The following ANKS1B variants were observed in gnomAD, a reference collection of about 807,000 sequenced individuals.
ANKS1B encodes ankyrin repeat and sterile alpha motif domain-containing protein 1B.
Under a neutral mutation model 148.3 loss-of-function variants are expected in ANKS1B, and 36 were observed. The ratio of observed to expected loss-of-function variants is 0.24; its 90% CI spans 0.19 to 0.32. The LOEUF is 0.32. Among genes scored for constraint, ANKS1B ranks in the 10% least tolerant of loss-of-function variants. The probability of loss-of-function intolerance (pLI) is 1.00; values close to 1 mark genes in which losing one functional copy is unlikely to be tolerated. For synonymous variants in ANKS1B, 542 were observed against 560.8 expected (o/e 0.97, Z 0.47); for missense variants, 1,157 against 1,542.6 (o/e 0.75, Z 4.19).
At chr12:99,582,854 G>A (rs940374708) in intron 9 of ANKS1B, among the ~76,000 whole-genome samples, 4 of 152,054 alleles carry the variant, frequency 2.6e-5, no homozygotes, top group African/African-American at 9.6e-5. Context: ...AAAATCAAAA[G>A]TATCAGACAC....
At chr12:99,316,110 G>C (rs1365537405) in intron 12 of ANKS1B, among the ~76,000 whole-genome samples, 1 of 152,124 alleles carries the variant, frequency 6.6e-6, no homozygotes, top group Non-Finnish European at 1.5e-5. Flanking sequence ...TTACTATTAT[G>C]AATAGTGCCA....
At chr12:98,746,705 T>A (rs2097903067) in intron 26 of ANKS1B, among the ~76,000 whole-genome samples, 1 of 152,124 alleles carries the variant, frequency 6.6e-6, no homozygotes, top group Admixed American at 6.5e-5. Flanking sequence ...ACCCCGTAAA[T>A]AATAGGCACA....
chr12:98,791,432 G>A lies in ANKS1B; in HGVS notation c.3342+7502C>T, dbSNP rs538887930. ...GTGGCTGTTTCTTTGTGGGCATTGC[G>A]ATTCAATAGACACACAACACACATT... On this transcript the variant is annotated intron_variant, in intron 22 of 26. Transcript: ENST00000683438. Among the ~76,000 whole-genome samples, 161 of 152,230 alleles carry A rather than the reference G, an allele frequency of 1.1e-3. No individual in the cohort carries two copies. In the Middle Eastern group the frequency reaches 0.02, roughly 19 times the overall value.
At chr12:99,833,387 G>C (rs2084332110) in intron 1 of ANKS1B, among the ~76,000 whole-genome samples, 1 of 152,148 alleles carries the variant, frequency 6.6e-6, no homozygotes, top group Admixed American at 6.5e-5. Context: ...TACAGACCAG[G>C]GGAGAAACAA....
chr12:99,584,893 A>G (rs2097613087), intron 9 of ANKS1B, among the ~76,000 whole-genome samples: 2 of 152,092 alleles, frequency 1.3e-5, no homozygotes, highest in Admixed American at 6.5e-5. Flanking sequence ...GGTCCCTCCC[A>G]TGACACATGG....
At chr12:98,798,223 G>A (rs1314422293) in intron 22 of ANKS1B, among the ~76,000 whole-genome samples, 2 of 151,394 alleles carry the variant, frequency 1.3e-5, no homozygotes, top group East Asian at 3.9e-4. Context: ...TCAGGTTCAA[G>A]CGATTCTCCT....
At chr12:99,618,865 G>A (rs773681280) in intron 9 of ANKS1B, among the ~76,000 whole-genome samples, 3 of 152,162 alleles carry the variant, frequency 2.0e-5, no homozygotes, top group South Asian at 2.1e-4. Context: ...GTCTCAGGCC[G>A]GAGATTGGAA....
At chr12:99,888,635 A>G (rs1456675494) in intron 1 of ANKS1B, among the ~76,000 whole-genome samples, 1 of 152,166 alleles carries the variant, frequency 6.6e-6, no homozygotes, top group Non-Finnish European at 1.5e-5. Context: ...ACTACAGACT[A>G]TAAGTACTTA....
intron 8 of ANKS1B, among the ~76,000 whole-genome samples, chr12:99,675,106 G>C (rs996589020): frequency 6.6e-6 from 1 of 151,888 alleles, no homozygotes; most frequent in Admixed American, 6.6e-5. Context: ...ATAATGTTTG[G>C]TGAGGGGCTT....
intron 11 of ANKS1B, among the ~76,000 whole-genome samples, chr12:99,420,552 G>A (rs2095050695): frequency 6.6e-6 from 1 of 150,870 alleles, no homozygotes; most frequent in African/African-American, 2.5e-5. Context: ...ATTAATTTTA[G>A]CTAACAAGTT....
At chr12:99,186,618 G>A (rs2079896161) in intron 14 of ANKS1B, among the ~76,000 whole-genome samples, 2 of 152,282 alleles carry the variant, frequency 1.3e-5, no homozygotes, top group African/African-American at 4.8e-5. Context: ...TGGACCTCCA[G>A]CAAACTCCAG....
In ANKS1B at chr12:98,829,550, C is replaced by G. The variant is rs2099277514; in HGVS notation, c.2887-197G>C. The stretch of plus-strand genomic sequence containing the variant: ...CGTTTTTCCCCTAAGTATTTCAGGT[C>G]AAAGGTCTGAAATATCAAGAGTCAG... On this transcript the variant is annotated intron_variant, in intron 18 of 26. Coordinates refer to ENST00000683438, the MANE Select transcript of ANKS1B (RefSeq NM_001352186.2). The surrounding 1 kb of genome is among the most constrained non-coding windows in gnomAD (Gnocchi z 5.2). Among the ~76,000 whole-genome samples the G allele has an allele frequency of 6.6e-6, 1 of 152,024 alleles. No homozygotes were observed. Among genetic ancestry groups the G allele is most frequent in the Non-Finnish European group, 1.5e-5 (1 of 68,016 alleles).
chr12:98,943,312 A>T (rs1567921512), intron 17 of ANKS1B, among the ~76,000 whole-genome samples: 1 of 152,214 alleles, frequency 6.6e-6, no homozygotes, highest in African/African-American at 2.4e-5. Flanking sequence ...TTGTATTTGC[A>T]ATGTATGATG....
At chr12:99,870,601 G>C (rs1295810316) in intron 1 of ANKS1B, among the ~76,000 whole-genome samples, 3 of 152,014 alleles carry the variant, frequency 2.0e-5, no homozygotes. Flanking sequence ...GTTGTTTTTT[G>C]ACTTCTTAAT....
chr12:99,345,467 T>C (rs1472198171), intron 12 of ANKS1B, among the ~76,000 whole-genome samples: 2 of 152,026 alleles, frequency 1.3e-5, no homozygotes, highest in Non-Finnish European at 2.9e-5. Context: ...GTTTCAGTTG[T>C]TAAATACAGA....
Position 99,984,449 on chromosome 12 carries a change from T to C in ANKS1B, c.-212A>G, listed in dbSNP as rs549634122. 2 of 453,674 alleles carry C rather than the reference T, an allele frequency of 4.4e-6. No individual in the cohort carries two copies. The highest frequency in any genetic ancestry group is 1.9e-5 in the African/African-American group (1 of 51,306). The allele number at this position is 453,674 out of a possible 1,614,324, so 28.1% of individuals were successfully genotyped here. ...TTTACAATGGGGATCAGACCATGTC[T>C]TGAAAGAGGGGCTGGCCGAGCTGGG... On this transcript the variant is annotated 5_prime_UTR_variant, in exon 1 of 27. Transcript: ENST00000683438.
intron 17 of ANKS1B, among the ~76,000 whole-genome samples, chr12:98,958,007 G>A (rs1453261081): frequency 6.6e-6 from 1 of 152,152 alleles, no homozygotes; most frequent in Non-Finnish European, 1.5e-5. Flanking sequence ...TAATGAGGAT[G>A]AGCGACAGAA....
At chr12:98,919,780 C>G (rs922649705) in intron 17 of ANKS1B, among the ~76,000 whole-genome samples, 5 of 152,078 alleles carry the variant, frequency 3.3e-5, no homozygotes, top group African/African-American at 1.2e-4. Context: ...TGAATGGAAG[C>G]TGTGTGGTTG....
At chr12:99,508,344 G>A (rs1053767838) in intron 9 of ANKS1B, among the ~76,000 whole-genome samples, 7 of 151,672 alleles carry the variant, frequency 4.6e-5, no homozygotes, top group African/African-American at 1.7e-4. Context: ...GAAGAGTCAA[G>A]AACAGACAGC....
Sources: gnomAD v4.1 joint callset for allele counts (sites outside exome capture counted in the v4.1 genomes callset) on GRCh38, gnomAD v4.1.1 for gene constraint, Gnocchi (gnomAD v3.1) non-coding constraint, MANE v1.5 for transcripts, NCBI Gene and HGNC (gene_info 2026-07-23, HGNC 2026-07-21) for gene names.